Variants in SYN2 observed in about 807,000 individuals in gnomAD.
The protein encoded by SYN2 is synapsin-2.
A neutral mutation model predicts 50.9 loss-of-function variants in SYN2; 19 were observed. The ratio of observed to expected loss-of-function variants is 0.37; its 90% CI spans 0.26 to 0.55. The LOEUF is 0.55. SYN2 is among the 20% of genes least tolerant of loss of function. SYN2 has a pLI of 0.81. For missense variants in SYN2, 587 were observed against 576.4 expected (o/e 1.02, Z -0.19); for synonymous variants, 255 against 224.9 (o/e 1.13, Z -1.20).
At chr3:12,136,651 G>A (rs1696899922) in intron 1 of SYN2, among the ~76,000 whole-genome samples, 1 of 152,206 alleles carries the variant, frequency 6.6e-6, no homozygotes, top group South Asian at 2.1e-4. Flanking sequence ...AGGTGGATGG[G>A]AATTGATGAA....
chr3:12,190,611 C>T lies in SYN2; in HGVS notation c.1735C>T (p.Leu579Phe). 1 of 1,613,076 alleles carries T rather than the reference C, an allele frequency of 6.2e-7. No individual in the cohort carries two copies. Among genetic ancestry groups the T allele is most frequent in the Non-Finnish European group, 8.5e-7 (1 of 1,179,528 alleles). ...IRSLRKSFAS[L>F]FSD ...GAGCTTGAGGAAGTCCTTTGCCAGCCTCTTTTCAGATTAGCTCTTCAGACA... is the reference window on the plus strand; with the variant it reads ...GAGCTTGAGGAAGTCCTTTGCCAGCTTCTTTTCAGATTAGCTCTTCAGACA... The change falls in exon 13 of 13, where the codon CTC becomes TTC. Residue 579 changes from leucine (L) to phenylalanine (F), a missense_variant. Leu to Phe is a conservative substitution (Grantham distance 22). Coordinates refer to ENST00000621198, the MANE Select transcript of SYN2 (RefSeq NM_133625.6).
At chr3:12,072,483 C>T (rs963868294) in intron 1 of SYN2, among the ~76,000 whole-genome samples, 1 of 152,102 alleles carries the variant, frequency 6.6e-6, no homozygotes, top group Non-Finnish European at 1.5e-5. Context: ...TTCATCCATT[C>T]TGAGTTAATT....
rs544449615 is a variant in SYN2, at chr3:12,188,760, G to A, written c.1613+1148G>A. ...TCACCCACTCTTGCTCCCCAGCTCG[G>A]GCCAGTGGCACCTCTTGCCTCTTGC... On this transcript the variant is annotated intron_variant, in intron 12 of 12. Coordinates refer to ENST00000621198, the MANE Select transcript of SYN2 (RefSeq NM_133625.6). 2.4e-4 allele frequency among the ~76,000 whole-genome samples: 36 copies of A among 152,170 alleles called. 1 individual carries two copies. Among genetic ancestry groups the A allele is most frequent in the Admixed American group, 1.9e-3 (29 of 15,288 alleles).
chr3:12,121,290 A>G (rs1360602133), intron 1 of SYN2, among the ~76,000 whole-genome samples: 1 of 152,204 alleles, frequency 6.6e-6, no homozygotes, highest in Non-Finnish European at 1.5e-5. Context: ...ACTAGACAGC[A>G]TTCCTAGAAC....
chr3:12,026,549 A>G (rs966052283), intron 1 of SYN2, among the ~76,000 whole-genome samples: 6 of 152,318 alleles, frequency 3.9e-5, no homozygotes, highest in African/African-American at 1.4e-4. Flanking sequence ...TAAAGGAAGA[A>G]TAGAAGTTCA....
chr3:12,015,988 G>T (rs1324399591), intron 1 of SYN2, among the ~76,000 whole-genome samples: 1 of 152,152 alleles, frequency 6.6e-6, no homozygotes, highest in Non-Finnish European at 1.5e-5. Context: ...GTACAAAGAG[G>T]CTTGGGCTTC....
intron 1 of SYN2, among the ~76,000 whole-genome samples, chr3:12,112,732 CAT>C (rs1696350331): frequency 6.6e-6 from 1 of 151,466 alleles, no homozygotes; most frequent in Non-Finnish European, 1.5e-5. Context: ...CAGACTAAAA[CAT>C]AAACCTATTT....
At chr3:12,011,873 G>A (rs2125130842) in intron 1 of SYN2, among the ~76,000 whole-genome samples, 1 of 152,318 alleles carries the variant, frequency 6.6e-6, no homozygotes, top group East Asian at 1.9e-4. Context: ...TGATACCACT[G>A]TTGTGATAAT....
chr3:12,125,479 A>G (rs1330864418), intron 1 of SYN2, among the ~76,000 whole-genome samples: 1 of 152,258 alleles, frequency 6.6e-6, no homozygotes, highest in Non-Finnish European at 1.5e-5. Context: ...GCTACACTCA[A>G]TAAAATCTCA....
At chr3:12,006,238 A>G (rs1693798787) in intron 1 of SYN2, among the ~76,000 whole-genome samples, 1 of 152,186 alleles carries the variant, frequency 6.6e-6, no homozygotes, top group Non-Finnish European at 1.5e-5. Context: ...TAATGTCACC[A>G]TTCTGAATAG....
intron 1 of SYN2, among the ~76,000 whole-genome samples, chr3:12,014,065 C>T (rs567143393): frequency 6.6e-6 from 1 of 152,076 alleles, no homozygotes; most frequent in Non-Finnish European, 1.5e-5. Flanking sequence ...GCGTCTATGC[C>T]CCCTCCATGC....
intron 1 of SYN2, among the ~76,000 whole-genome samples, chr3:12,014,646 GTCT>G (rs929810747): frequency 6.6e-6 from 1 of 152,128 alleles, no homozygotes; most frequent in African/African-American, 2.4e-5. Context: ...TGAAAATTCG[GTCT>G]TCTTTTTTCC....
At chr3:12,060,063 CT>C (rs1361780140) in intron 1 of SYN2, among the ~76,000 whole-genome samples, 19 of 152,192 alleles carry the variant, frequency 1.2e-4, no homozygotes, top group Admixed American at 1.2e-3. Context: ...TCTAGGAAGT[CT>C]CAGTTGAGAT....
chr3:12,164,988 T>C (rs891355673), intron 7 of SYN2, among the ~76,000 whole-genome samples: 6 of 138,444 alleles, frequency 4.3e-5, no homozygotes, highest in African/African-American at 1.1e-4. Flanking sequence ...TCTTTTCTTT[T>C]TTTTTTTTTT....
chr3:12,045,908 T>C (rs1559397757), intron 1 of SYN2, among the ~76,000 whole-genome samples: 3 of 152,186 alleles, frequency 2.0e-5, no homozygotes, highest in South Asian at 4.1e-4. Context: ...CATAGTGTAG[T>C]GGGTGAGAAG....
intron 1 of SYN2, among the ~76,000 whole-genome samples, chr3:12,127,156 G>A (rs160213): frequency 0.64 from 97,626 of 152,100 alleles, 33,853 homozygotes; most frequent in South Asian, 0.78. Flanking sequence ...TAGGTTTTCA[G>A]GCTAACCAGC....
intron 1 of SYN2, among the ~76,000 whole-genome samples, chr3:12,041,316 T>G (rs993810199): frequency 1.3e-5 from 2 of 152,326 alleles, no homozygotes; most frequent in East Asian, 1.9e-4. Flanking sequence ...TGGACATTTC[T>G]TAGACTGCAG....
intron 2 of SYN2, among the ~76,000 whole-genome samples, chr3:12,141,260 A>C (rs1697012414): frequency 6.6e-6 from 1 of 150,402 alleles, no homozygotes; most frequent in African/African-American, 2.5e-5. Flanking sequence ...GATTGGGTCC[A>C]TTTGGGGAAG....
intron 1 of SYN2, among the ~76,000 whole-genome samples, chr3:12,007,957 T>G (rs1693832024): frequency 6.6e-6 from 1 of 152,210 alleles, no homozygotes; most frequent in Non-Finnish European, 1.5e-5. Flanking sequence ...TCTGTGCCAT[T>G]AAAAATTGAA....
Sources: gnomAD v4.1 joint callset for allele counts (sites outside exome capture counted in the v4.1 genomes callset) on GRCh38, gnomAD v4.1.1 for gene constraint, MANE v1.5 for transcripts, NCBI Gene and HGNC (gene_info 2026-07-23, HGNC 2026-07-21) for gene names.